The following LAMTOR1 variants were observed in gnomAD, a reference collection of about 807,000 sequenced individuals.
LAMTOR1 encodes the protein late endosomal/lysosomal adaptor, MAPK and MTOR activator 1, also known as ragulator complex protein LAMTOR1.
In LAMTOR1, 8 loss-of-function variants were observed where a neutral mutation model predicts 20.5. The ratio of observed to expected loss-of-function variants is 0.39; its 90% CI spans 0.23 to 0.70. LAMTOR1 has a LOEUF of 0.70. Ranked by LOEUF, LAMTOR1 falls within the 30% of genes least tolerant of loss-of-function variation. LAMTOR1 has a pLI of 0.43. For missense variants in LAMTOR1, 135 were observed against 206.2 expected (o/e 0.65, Z 2.11); for synonymous variants, 77 against 80.9 (o/e 0.95, Z 0.26).
chr11:72,098,152 G>A (rs1490332505), intron 4 of LAMTOR1, 137 bp downstream of exon 4: 2 of 1,170,656 alleles, frequency 1.7e-6, no homozygotes, highest in East Asian at 2.5e-5. Flanking sequence ...CGAGGTGGGA[G>A]GGAGCTGGGG....
chr11:72,097,721 C>A lies in LAMTOR1; in HGVS notation c.*101G>T. 6.3e-7 allele frequency: 1 copy of A among 1,575,760 alleles called. No individual in the cohort carries two copies. Among genetic ancestry groups the A allele is most frequent in the Non-Finnish European group, 8.6e-7 (1 of 1,159,092 alleles). ...TCACATTTTTCTCTGTGATTAGTAG[C>A]AGGTTAGGGTACTGTATAAGCCGCA... On this transcript the variant is annotated 3_prime_UTR_variant, in exon 5 of 5. Transcript: ENST00000278671.
At chr11:72,101,400 C>G (rs1027518051) in intron 1 of LAMTOR1, among the ~76,000 whole-genome samples, 1 of 152,218 alleles carries the variant, frequency 6.6e-6, no homozygotes, top group African/African-American at 2.4e-5. Flanking sequence ...ATGGCTGAGA[C>G]AGCTTGGCCC....
At chr11:72,098,167 C>T (rs767896175) in intron 4 of LAMTOR1, 122 bp downstream of exon 4, 11 of 1,330,818 alleles carry the variant, frequency 8.3e-6, no homozygotes, top group African/African-American at 1.4e-5. Context: ...CTGGGGCCTA[C>T]AAGGCTACCA....
rs1364939821 is a variant in LAMTOR1 at position 72,098,763 on chromosome 11, C to T, written c.266+18G>A. ...GAGCCCAAGTAGCCTGAGGGACCCA[C>T]GCTGGCCAGGTGCTCACCTGTACTG... On this transcript the variant is annotated intron_variant, in intron 3 of 4. Coordinates refer to ENST00000278671, the MANE Select transcript of LAMTOR1 (RefSeq NM_017907.3). 5 of 1,523,416 alleles carry T rather than the reference C, an allele frequency of 3.3e-6. No individual in the cohort carries two copies. Among genetic ancestry groups the T allele is most frequent in the South Asian group, 2.5e-5 (2 of 79,196 alleles). 94.4% of individuals were successfully genotyped at this position (1,523,416 alleles called of 1,614,324 possible). A position where few individuals can be genotyped will look rare whatever the true frequency, so the allele number is the denominator to read the frequency against.
chr11:72,098,999 C>A, intron 2 of LAMTOR1, 112 bp downstream of exon 2: 7 of 1,461,864 alleles, frequency 4.8e-6, no homozygotes, highest in Non-Finnish European at 6.5e-6. Context: ...ATGGAGGCAC[C>A]TCTCCCCAGT....
At chr11:72,097,997 T>C in intron 4 of LAMTOR1, 83 bp from the exon 5 acceptor site, 1 of 1,458,466 alleles carries the variant, frequency 6.9e-7, no homozygotes, top group Non-Finnish European at 9.2e-7. Flanking sequence ...GGAGATTAGA[T>C]GGTGATGGAG....
intron 1 of LAMTOR1, among the ~76,000 whole-genome samples, chr11:72,100,073 G>A (rs1945383465): frequency 6.6e-6 from 1 of 152,004 alleles, no homozygotes; most frequent in Non-Finnish European, 1.5e-5. Flanking sequence ...GACCAGCCTG[G>A]GCAACAAAGC....
chr11:72,098,601 T>G, intron 3 of LAMTOR1, 180 bp downstream of exon 3: 1 of 830,340 alleles, frequency 1.2e-6, no homozygotes, highest in African/African-American at 1.7e-5. Flanking sequence ...CCCTCAAGAG[T>G]GTCACAGGGT....
At chr11:72,101,452 C>G (rs1591179788) in intron 1 of LAMTOR1, among the ~76,000 whole-genome samples, 1 of 152,268 alleles carries the variant, frequency 6.6e-6, no homozygotes, top group East Asian at 1.9e-4. Context: ...CACCTGGGCA[C>G]TAGCACTTCT....
chr11:72,101,799 G>A (rs1239990516), intron 1 of LAMTOR1, among the ~76,000 whole-genome samples: 1 of 152,102 alleles, frequency 6.6e-6, no homozygotes, highest in Non-Finnish European at 1.5e-5. Context: ...AGAGATTCAG[G>A]AGAGCAGCAG....
chr11:72,100,041 T>C (rs1163478444), intron 1 of LAMTOR1, among the ~76,000 whole-genome samples: 5 of 152,168 alleles, frequency 3.3e-5, no homozygotes, highest in African/African-American at 9.6e-5. Flanking sequence ...GGCAGAAGGA[T>C]TGCTTGAGTC....
At position 72,097,759 on chromosome 11, in the gene LAMTOR1, G is replaced by A. The variant is rs753804491; in HGVS notation, c.*63C>T. 2 of 1,613,154 alleles carry A rather than the reference G, an allele frequency of 1.2e-6. No individual in the cohort carries two copies. The highest frequency in any genetic ancestry group is 1.7e-6 in the Non-Finnish European group (2 of 1,179,792). The stretch of plus-strand genomic sequence containing the variant: ...TGTATAAGCCGCAGTGAGGCTGGGG[G>A]CCAAGGGGGTGGGGTAGAGATGGGA... On this transcript the variant is annotated 3_prime_UTR_variant, in exon 5 of 5. Coordinates refer to ENST00000278671, the MANE Select transcript of LAMTOR1 (RefSeq NM_017907.3).
intron 2 of LAMTOR1, 118 bp downstream of exon 2, chr11:72,098,993 A>C: frequency 7.0e-7 from 1 of 1,435,092 alleles, no homozygotes; most frequent in East Asian, 2.3e-5. Flanking sequence ...CTGGACATGG[A>C]GGCACCTCTC....
chr11:72,103,124 G>C, intron 1 of LAMTOR1, 59 bp downstream of exon 1: 1 of 1,554,926 alleles, frequency 6.4e-7, no homozygotes. Flanking sequence ...GTTTCTTTCT[G>C]GGCCCCATGC....
chr11:72,102,573 A>G (rs1412175035), intron 1 of LAMTOR1, among the ~76,000 whole-genome samples: 1 of 152,234 alleles, frequency 6.6e-6, no homozygotes, highest in Admixed American at 6.5e-5. Flanking sequence ...CTCTTTTCCC[A>G]CAATCTAGCC....
At chr11:72,102,351 A>T (rs933134857) in intron 1 of LAMTOR1, among the ~76,000 whole-genome samples, 1 of 152,234 alleles carries the variant, frequency 6.6e-6, no homozygotes, top group Non-Finnish European at 1.5e-5. Flanking sequence ...GGCAGGGATT[A>T]GAGTGTGGGG....
chr11:72,098,523 G>T, intron 3 of LAMTOR1, 108 bp from the exon 4 acceptor site: 2 of 1,361,912 alleles, frequency 1.5e-6, no homozygotes, highest in South Asian at 1.4e-5. Flanking sequence ...GTCGAGGAGG[G>T]GTATCTGGGA....
At chr11:72,101,772 C>T (rs933172227) in intron 1 of LAMTOR1, among the ~76,000 whole-genome samples, 7 of 152,026 alleles carry the variant, frequency 4.6e-5, no homozygotes, top group African/African-American at 1.7e-4. Flanking sequence ...GAAATGAGAG[C>T]CCCCCAAGGA....
chr11:72,103,069 T>C, intron 1 of LAMTOR1, 114 bp downstream of exon 1: 3 of 1,356,408 alleles, frequency 2.2e-6, no homozygotes, highest in East Asian at 5.0e-5. Flanking sequence ...CCTCCAGGCC[T>C]CCGTATTCAG....
Sources: allele counts gnomAD v4.1 joint callset (sites outside exome capture counted in the v4.1 genomes callset), GRCh38; gene constraint gnomAD v4.1.1; transcripts MANE v1.5; gene names NCBI Gene and HGNC (gene_info 2026-07-23, HGNC 2026-07-21).